Variants in STAM observed in about 807,000 individuals in gnomAD.
The protein encoded by STAM is signal transducing adapter molecule 1.
In STAM, 16 loss-of-function variants were observed where a neutral mutation model predicts 63.4. The ratio of observed to expected loss-of-function variants is 0.25; its 90% CI spans 0.17 to 0.38. The LOEUF is 0.38. Among genes scored for constraint, STAM ranks in the 10% least tolerant of loss-of-function variants. The pLI, the probability that STAM is intolerant of heterozygous loss-of-function variation, is 1.00. For missense variants in STAM, 636 were observed against 657.1 expected (o/e 0.97, Z 0.35); for synonymous variants, 238 against 223.9 (o/e 1.06, Z -0.56).
chr10:17,661,332 A>G (rs1834157700), intron 2 of STAM, among the ~76,000 whole-genome samples: 1 of 152,174 alleles, frequency 6.6e-6, no homozygotes. Context: ...TACACTTGAT[A>G]TTTGCAGTGG....
intron 4 of STAM, 82 bp downstream of exon 4, chr10:17,685,009 T>A: frequency 2.7e-6 from 3 of 1,122,108 alleles, no homozygotes; most frequent in Non-Finnish European, 3.8e-6. Context: ...CACAGAGGAC[T>A]ATTCTGTGCT....
At chr10:17,694,418 A>G (rs1402719826) in intron 6 of STAM, among the ~76,000 whole-genome samples, 1 of 152,176 alleles carries the variant, frequency 6.6e-6, no homozygotes, top group East Asian at 1.9e-4. Flanking sequence ...ACAAGAGCGG[A>G]AGAGCAGAAA....
At position 17,674,790 on chromosome 10, in the gene STAM, C is replaced by A. The variant is rs578146582; in HGVS notation, c.126-9885C>A. On this transcript the variant is annotated intron_variant, in intron 2 of 13. Transcript: ENST00000377524. ...TATTATCATAGTTATCTTTGGAATA[C>A]ATAATTTGCCTGAGGCCTGTTAGTT... 3.9e-5 allele frequency among the ~76,000 whole-genome samples: 6 copies of A among 152,250 alleles called. No homozygotes were observed. The South Asian group carries it at 1.2e-3, about 32-fold the overall frequency.
intron 2 of STAM, among the ~76,000 whole-genome samples, chr10:17,673,322 G>T (rs2131607966): frequency 6.6e-6 from 1 of 152,224 alleles, no homozygotes; most frequent in Middle Eastern, 3.4e-3. Flanking sequence ...ACAGAACTTG[G>T]TAATAAATAG....
chr10:17,710,386 G>A (rs1024542508), intron 13 of STAM, among the ~76,000 whole-genome samples: 1 of 152,204 alleles, frequency 6.6e-6, no homozygotes, highest in African/African-American at 2.4e-5. Flanking sequence ...GAAATCCCTG[G>A]CATAGGCCCA....
At chr10:17,666,303 A>T (rs1834372976) in intron 2 of STAM, among the ~76,000 whole-genome samples, 1 of 151,452 alleles carries the variant, frequency 6.6e-6, no homozygotes. Flanking sequence ...AGATCATATG[A>T]TAGTCATTAT....
intron 7 of STAM, chr10:17,695,777 T>G (rs1554827401): frequency 1.3e-5 from 2 of 152,242 alleles, no homozygotes; most frequent in Admixed American, 1.3e-4. Flanking sequence ...GTATTAAAAT[T>G]TGCAGGTGTT....
intron 2 of STAM, among the ~76,000 whole-genome samples, chr10:17,667,412 G>A (rs925331022): frequency 2.0e-5 from 3 of 152,096 alleles, no homozygotes; most frequent in East Asian, 1.9e-4. Flanking sequence ...GTGAGCCACC[G>A]CATCCAGCCC....
At chr10:17,669,981 C>T (rs1045744857) in intron 2 of STAM, among the ~76,000 whole-genome samples, 9 of 150,416 alleles carry the variant, frequency 6.0e-5, no homozygotes, top group South Asian at 2.1e-4. Flanking sequence ...CCGCCCATCT[C>T]GGCCTCCCAA....
In STAM at chr10:17,661,872, C is replaced by T. The variant is rs561689203; in HGVS notation, c.125+1324C>T. Among the ~76,000 whole-genome samples, 11 of 150,068 alleles carry T rather than the reference C, an allele frequency of 7.3e-5. No homozygotes were observed. The East Asian group carries it at 1.4e-3, about 19-fold the overall frequency. Reference sequence around the variant, plus strand: ...GGCCCATAATGTCCTCCCACTATGACGTTCCCAAAGAATCTCCCAAATGTG... The same window carrying T: ...GGCCCATAATGTCCTCCCACTATGATGTTCCCAAAGAATCTCCCAAATGTG... On this transcript the variant is annotated intron_variant, in intron 2 of 13. Transcript: ENST00000377524.
At chr10:17,660,592 A>G (rs782812829) in intron 2 of STAM, 44 bp downstream of exon 2, 3 of 1,507,446 alleles carry the variant, frequency 2.0e-6, no homozygotes, top group Non-Finnish European at 2.7e-6. Context: ...TTTCTTTTTA[A>G]AAAACACGAA....
chr10:17,653,185 A>G (rs77537869), intron 1 of STAM, among the ~76,000 whole-genome samples: 9,049 of 152,212 alleles, frequency 0.059, 372 homozygotes, highest in Middle Eastern at 0.13. Flanking sequence ...GTGTGGTCCT[A>G]TTTCATAAAT....
At chr10:17,706,204 A>C (rs1836261072) in intron 12 of STAM, among the ~76,000 whole-genome samples, 1 of 151,772 alleles carries the variant, frequency 6.6e-6, no homozygotes, top group South Asian at 2.1e-4. Context: ...TACAGCATAT[A>C]ATATACTAAT....
rs976611339 is a variant in STAM at position 17,680,939 on chromosome 10, T to C, written c.126-3736T>C. On this transcript the variant is annotated intron_variant, in intron 2 of 13. Coordinates refer to ENST00000377524, the MANE Select transcript of STAM (RefSeq NM_003473.4). ...GCTGCTATGAACACGGGTATACCAC[T>C]ATCTCCTCCAGACCCTGCCTGCTTT... Among the ~76,000 whole-genome samples the C allele has an allele frequency of 7.4e-4, 113 of 152,340 alleles. 2 individuals carry two copies. The highest frequency in any genetic ancestry group is 2.7e-3 in the African/African-American group (111 of 41,594).
At chr10:17,669,000 G>T (rs1834515924) in intron 2 of STAM, among the ~76,000 whole-genome samples, 1 of 152,140 alleles carries the variant, frequency 6.6e-6, no homozygotes, top group African/African-American at 2.4e-5. Flanking sequence ...TAGATCATAT[G>T]GTAAGACTGT....
chr10:17,713,543 G>T (rs1385456783), intron 13 of STAM, among the ~76,000 whole-genome samples: 1 of 151,824 alleles, frequency 6.6e-6, no homozygotes, highest in Non-Finnish European at 1.5e-5. Flanking sequence ...TCCCATCATA[G>T]TATTCTGAAA....
intron 5 of STAM, among the ~76,000 whole-genome samples, 196 bp downstream of exon 5, chr10:17,688,369 A>G (rs1291515145): frequency 1.3e-5 from 2 of 152,230 alleles, no homozygotes; most frequent in Non-Finnish European, 2.9e-5. Flanking sequence ...CCAGAAAAGT[A>G]TTATAATGGA....
chr10:17,700,428 C>G (rs1182760535), intron 9 of STAM, 149 bp downstream of exon 9: 1 of 541,086 alleles, frequency 1.8e-6, no homozygotes, highest in African/African-American at 2.0e-5. Flanking sequence ...ACGATGCAGA[C>G]TGTTTTTTGA....
At chr10:17,666,765 G>T (rs1554823452) in intron 2 of STAM, among the ~76,000 whole-genome samples, 1 of 152,134 alleles carries the variant, frequency 6.6e-6, no homozygotes, top group Non-Finnish European at 1.5e-5. Context: ...GAAGTTGAAA[G>T]AATATTTCCT....
Sources: allele counts gnomAD v4.1 joint callset (sites outside exome capture counted in the v4.1 genomes callset), GRCh38; gene constraint gnomAD v4.1.1; transcripts MANE v1.5; gene names NCBI Gene and HGNC (gene_info 2026-07-23, HGNC 2026-07-21).